Variants in TBC1D31 observed in about 807,000 individuals in gnomAD.
The protein encoded by TBC1D31 is TBC1 domain family member 31, also known as WD repeat domain 67.
Under a neutral mutation model 132.9 loss-of-function variants are expected in TBC1D31, and 99 were observed. The ratio of observed to expected loss-of-function variants is 0.74; its 90% CI spans 0.63 to 0.88. The LOEUF is 0.88. Ranked by LOEUF, TBC1D31 falls within the 40% of genes least tolerant of loss-of-function variation. The pLI is 0.00. For missense variants in TBC1D31, 1,134 were observed against 1,256.6 expected (o/e 0.90, Z 1.48); for synonymous variants, 385 against 419.4 (o/e 0.92, Z 1.00).
rs80016089 is a variant in TBC1D31 at position 123,147,561 on chromosome 8, G to A, written c.2975-2475G>A. Among the ~76,000 whole-genome samples the A allele has an allele frequency of 0.011, 1,686 of 152,260 alleles. 79 individuals are homozygous for A. In the East Asian group the frequency reaches 0.15, roughly 13 times the overall value. On this transcript the variant is annotated intron_variant, in intron 20 of 21. Transcript: ENST00000287380. ...AGGTAAGAAACTGTGAAAAGCTTTC[G>A]TCATCGGTAGTTTTCCTACACCTTT... is the stretch of plus-strand genomic sequence containing the variant.
intron 6 of TBC1D31, among the ~76,000 whole-genome samples, chr8:123,099,098 AT>A (rs200419494): frequency 4.6e-5 from 7 of 151,002 alleles, no homozygotes; most frequent in Non-Finnish European, 5.9e-5. Flanking sequence ...TTTTTATTAC[AT>A]TTTTTTTTGT....
the TBC1D31 span, among the ~76,000 whole-genome samples, chr8:123,159,719 G>A: frequency 6.6e-6 from 1 of 152,192 alleles, no homozygotes; most frequent in Admixed American, 6.5e-5. Context: ...TTGAACCCGG[G>A]AGGCGGAGGT....
rs148081129 is a variant in TBC1D31 at position 123,126,537 on chromosome 8, G to A, written c.1734G>A (p.Val578=). The part of the protein sequence containing the change: ...QLYAWPLLET[V]FSEVLTREEW... ...ATGCATGGCCTCTTCTTGAAACTGT[G>A]TTCTCAGAAGTGCTGACAAGAGAGG... Residue 578 remains valine (V), a synonymous_variant, in exon 13 of 22, where the codon GTG becomes GTA. Transcript: ENST00000287380. The A allele has an allele frequency of 5.3e-5, 85 of 1,613,876 alleles. No individual in the cohort carries two copies. The African/African-American group carries it at 7.2e-4, about 14-fold the overall frequency.
chr8:123,147,953 C>A (rs576309397), intron 20 of TBC1D31, among the ~76,000 whole-genome samples: 1 of 151,914 alleles, frequency 6.6e-6, no homozygotes, highest in East Asian at 1.9e-4. Flanking sequence ...TGGTGAAACC[C>A]CCGTCTCTAC....
At chr8:123,073,773 C>T (rs1284526064) in intron 1 of TBC1D31, among the ~76,000 whole-genome samples, 1 of 151,980 alleles carries the variant, frequency 6.6e-6, no homozygotes, top group Admixed American at 6.6e-5. Flanking sequence ...GCATCCTCCA[C>T]CTCCCGAGTT....
At chr8:123,094,289 C>T (rs1816635626) in intron 5 of TBC1D31, among the ~76,000 whole-genome samples, 1 of 151,956 alleles carries the variant, frequency 6.6e-6, no homozygotes, top group South Asian at 2.1e-4. Flanking sequence ...GTCTCGAACT[C>T]CTGACCTTGT....
rs540951963 is a variant in TBC1D31 at position 123,099,821 on chromosome 8, G to T, written c.832-986G>T. On this transcript the variant is annotated intron_variant, in intron 6 of 21. Transcript: ENST00000287380. The stretch of plus-strand genomic sequence containing the variant: ...TATTTTTCACAGTTCTGGAGGCTGG[G>T]AAGTCCAAGATCTAGAGGTTGGCAT... 2.6e-5 allele frequency among the ~76,000 whole-genome samples: 4 copies of T among 152,274 alleles called. No homozygotes were observed. In the South Asian group the frequency reaches 8.3e-4, roughly 32 times the overall value.
rs1821784774 is a variant in TBC1D31 at position 123,142,356 on chromosome 8, A to T, written c.2735A>T (p.Gln912Leu). Residue 912 changes from glutamine (Q) to leucine (L), a missense_variant, in exon 19 of 22, where the codon CAA becomes CTA. By Grantham distance (113) the Gln-to-Leu change is moderately radical. Coordinates refer to ENST00000287380, the MANE Select transcript of TBC1D31 (RefSeq NM_145647.4). ...SLHKQKCDDL[Q>L]RNKCYQEVAK... is the part of the protein sequence containing the mutation. ...CATAAACAAAAATGTGATGATCTAC[A>T]ACGAAACAAATGTTACCAGGAAGTA... 1 of 1,610,862 alleles carries T rather than the reference A, an allele frequency of 6.2e-7. No homozygotes were observed. The highest frequency in any genetic ancestry group is 1.3e-5 in the African/African-American group (1 of 74,766).
At position 123,082,637 on chromosome 8, in the gene TBC1D31, C is replaced by G. The variant is rs1393218559; in HGVS notation, c.225-65C>G. The G allele has an allele frequency of 2.5e-6, 3 of 1,185,276 alleles. No homozygotes were observed. In the African/African-American group the frequency reaches 4.6e-5, roughly 18 times the overall value. The allele number at this position is 1,185,276 out of a possible 1,614,324, so 73.4% of individuals were successfully genotyped here. A position where few individuals can be genotyped will look rare whatever the true frequency, so the allele number is the denominator to read the frequency against. On this transcript the variant is annotated intron_variant, in intron 2 of 21. Transcript: ENST00000287380. ...TTCATTTTCTTCGTCTCTACGGACT[C>G]CTTCCACATGGAATTTGTAATTATT...
rs182536493 is a variant in TBC1D31, at chr8:123,142,009, C to T, written c.2641-253C>T. Reference sequence around the variant, plus strand: ...CTGAGTAGCTGTGACTACAGGCGCGCGCTGCCACGCCCAGCTAATTTCTAC... The same window carrying T: ...CTGAGTAGCTGTGACTACAGGCGCGTGCTGCCACGCCCAGCTAATTTCTAC... On this transcript the variant is annotated intron_variant, in intron 18 of 21. Coordinates refer to ENST00000287380, the MANE Select transcript of TBC1D31 (RefSeq NM_145647.4). Among the ~76,000 whole-genome samples, 219 of 152,006 alleles carry T rather than the reference C, an allele frequency of 1.4e-3. 1 individual carries two copies. Among genetic ancestry groups the T allele is most frequent in the African/African-American group, 5.0e-3 (207 of 41,482 alleles).
At chr8:123,076,997 G>C (rs563271861) in intron 1 of TBC1D31, 114 bp from the exon 2 acceptor site, 1 of 968,334 alleles carries the variant, frequency 1.0e-6, no homozygotes, top group Non-Finnish European at 1.5e-6. Context: ...GGGGTATAGC[G>C]GTAGCAGTAG....
chr8:123,162,514 G>C, the TBC1D31 span, among the ~76,000 whole-genome samples: 7 of 152,126 alleles, frequency 4.6e-5, no homozygotes, highest in African/African-American at 1.7e-4. Flanking sequence ...AGCTAAAGGA[G>C]GGAGCCATGT....
At chr8:123,095,347 C>T (rs1189796485) in intron 5 of TBC1D31, among the ~76,000 whole-genome samples, 1 of 152,158 alleles carries the variant, frequency 6.6e-6, no homozygotes, top group East Asian at 1.9e-4. Context: ...CTCATTTCTT[C>T]TTCACTTATT....
chr8:123,088,861 C>T (rs963784081), intron 4 of TBC1D31, among the ~76,000 whole-genome samples: 2 of 152,090 alleles, frequency 1.3e-5, no homozygotes, highest in African/African-American at 4.8e-5. Context: ...AGAAAATGCC[C>T]CACATTCTGG....
At chr8:123,082,980 ATCAGTTGACTACAAAG>A in intron 3 of TBC1D31, 163 bp downstream of exon 3, 1 of 576,662 alleles carries the variant, frequency 1.7e-6, no homozygotes, top group East Asian at 2.9e-5. Flanking sequence ...CTCACTTTAG[ATCAGTTGACTACAAAG>A]TCAGGGTTTC....
rs760543101 is a variant in TBC1D31 at position 123,151,842 on chromosome 8, C to T, written c.3104C>T (p.Thr1035Met). 1.2e-5 allele frequency: 19 copies of T among 1,583,428 alleles called. No individual in the cohort carries two copies. In the African/African-American group the frequency reaches 1.2e-4, roughly 10 times the overall value. ...AGAAGAGCAGTAGAATGGGACACCA[C>T]GGGACAGAATCTTATTAAGAAAGTG... ...LNRRAVEWDTTGQNLIKKVRN... is the reference protein window; with the variant it reads ...LNRRAVEWDTMGQNLIKKVRN... The change falls in exon 22 of 22, where the codon ACG (threonine) becomes ATG (methionine). Residue 1035 changes from threonine to methionine, a missense_variant. Physicochemically the swap from Thr to Met is moderately conservative, Grantham distance 81. Transcript: ENST00000287380.
At chr8:123,084,840 G>C (rs905931453) in intron 4 of TBC1D31, among the ~76,000 whole-genome samples, 2 of 151,826 alleles carry the variant, frequency 1.3e-5, no homozygotes. Context: ...CCTAGGCTGG[G>C]GTGCAGTGGC....
chr8:123,161,672 T>C, the TBC1D31 span, among the ~76,000 whole-genome samples: 1 of 152,166 alleles, frequency 6.6e-6, no homozygotes, highest in South Asian at 2.1e-4. Flanking sequence ...TACCAGTGTA[T>C]GTAAATGGTG....
At chr8:123,128,248 A>T (rs1308398826) in intron 13 of TBC1D31, 33 bp from the exon 14 acceptor site, 3 of 1,121,792 alleles carry the variant, frequency 2.7e-6, no homozygotes, top group Non-Finnish European at 4.0e-6. Flanking sequence ...TTTGTCAGGT[A>T]AATCTCGATT....
Sources: allele counts gnomAD v4.1 joint callset (sites outside exome capture counted in the v4.1 genomes callset), GRCh38; gene constraint gnomAD v4.1.1; transcripts MANE v1.5; gene names NCBI Gene and HGNC (gene_info 2026-07-23, HGNC 2026-07-21).